Variants in PSME4 observed in about 807,000 individuals in gnomAD.
PSME4 encodes the protein proteasome activator complex subunit 4.
A neutral mutation model predicts 253.9 loss-of-function variants in PSME4; 89 were observed. The ratio of observed to expected loss-of-function variants is 0.35; its 90% CI spans 0.30 to 0.42. The LOEUF (loss-of-function observed/expected upper bound fraction) is 0.42, where lower values mean the gene tolerates loss of function less well. PSME4 is among the 10% of genes least tolerant of loss of function. The pLI is 1.00. For synonymous variants in PSME4, 851 were observed against 759.2 expected, an observed-to-expected ratio of 1.12 and a Z score of -1.99; for missense variants, 2,014 against 2,195.2, an observed-to-expected ratio of 0.92 and a Z score of 1.65.
chr2:53,865,575 T>G lies in PSME4; in HGVS notation c.*5-2A>C, dbSNP rs1211507622. 1 of 152,428 alleles carries G rather than the reference T, an allele frequency of 6.6e-6. No homozygotes were observed. Among genetic ancestry groups the G allele is most frequent in the African/African-American group, 2.4e-5 (1 of 41,456 alleles). The allele number at this position is 152,428 out of a possible 1,614,324, so 9.4% of individuals were successfully genotyped here. A position where few individuals can be genotyped will look rare whatever the true frequency, so the allele number is the denominator to read the frequency against. On this transcript the variant is annotated splice_acceptor_variant, in intron 46 of 46. Coordinates refer to ENST00000404125, the MANE Select transcript of PSME4 (RefSeq NM_014614.3). LOFTEE classifies it low-confidence loss of function (3UTR_SPLICE). ...GAGCCTGAAGTGAGGACTAGTCATCTGTATCAGGGAGGAAAAAATTTCAAT... is the reference window on the plus strand; with the variant it reads ...GAGCCTGAAGTGAGGACTAGTCATCGGTATCAGGGAGGAAAAAATTTCAAT...
At chr2:53,884,287 T>C (rs1679534328) in intron 41 of PSME4, among the ~76,000 whole-genome samples, 1 of 151,160 alleles carries the variant, frequency 6.6e-6, no homozygotes. Flanking sequence ...CTCAGCTCAC[T>C]ATAACCTCCA....
chr2:53,893,731 T>A lies in PSME4; in HGVS notation c.3981A>T (p.Ser1327=). The change falls in exon 35 of 47, where the codon TCA becomes TCT. Residue 1327 remains serine, a synonymous_variant. Transcript: ENST00000404125. ...KFVEQLITFL[S]LEDRKGKDKF... is the part of the protein sequence containing the mutation. ...TATCTTTTCCTTTTCTGTCTTCTAA[T>A]GATAGAAAAGTAATTAACTGCTCAA... The A allele has an allele frequency of 6.2e-7, 1 of 1,611,450 alleles. No homozygotes were observed. The highest frequency in any genetic ancestry group is 1.3e-5 in the African/African-American group (1 of 74,942).
At chr2:53,900,198 G>A (rs1680331476) in intron 28 of PSME4, among the ~76,000 whole-genome samples, 181 bp from the exon 29 acceptor site, 1 of 152,166 alleles carries the variant, frequency 6.6e-6, no homozygotes, top group African/African-American at 2.4e-5. Flanking sequence ...GTGGTTTCCA[G>A]GGGTTTGGGG....
At chr2:53,890,252 A>T in intron 36 of PSME4, 44 bp from the exon 37 acceptor site, 1 of 1,311,464 alleles carries the variant, frequency 7.6e-7, no homozygotes, top group South Asian at 1.2e-5. Context: ...TGACACTCAG[A>T]ACATTTTTCT....
chr2:53,935,420 T>C (rs1319567863), intron 7 of PSME4, among the ~76,000 whole-genome samples: 1 of 152,174 alleles, frequency 6.6e-6, no homozygotes, highest in Non-Finnish European at 1.5e-5. Flanking sequence ...AATGTAAGTG[T>C]GTGCATCAGA....
chr2:53,877,947 A>T (rs1679211290), intron 41 of PSME4, among the ~76,000 whole-genome samples: 1 of 152,234 alleles, frequency 6.6e-6, no homozygotes, highest in Admixed American at 6.5e-5. Context: ...ATACTGAGTT[A>T]TATGTTTCCA....
chr2:53,936,679 A>G (rs1052237325), intron 6 of PSME4, 85 bp downstream of exon 6: 10 of 959,464 alleles, frequency 1.0e-5, no homozygotes, highest in Non-Finnish European at 1.4e-5. Context: ...ATCTATTAAT[A>G]TTTATCTCCA....
At chr2:53,871,876 T>C (rs922448876) in intron 43 of PSME4, among the ~76,000 whole-genome samples, 1 of 151,836 alleles carries the variant, frequency 6.6e-6, no homozygotes, top group Non-Finnish European at 1.5e-5. Flanking sequence ...TAGCTGGGCA[T>C]GGTGGTAGGT....
chr2:53,881,587 C>T (rs558447244), intron 41 of PSME4: 1 of 151,980 alleles, frequency 6.6e-6, no homozygotes, highest in Admixed American at 6.6e-5. Context: ...AAAGAAAGCA[C>T]CTGTCACAGG....
chr2:53,905,941 C>G (rs542573161), intron 26 of PSME4, among the ~76,000 whole-genome samples: 15 of 152,308 alleles, frequency 9.8e-5, no homozygotes, highest in African/African-American at 3.6e-4. Flanking sequence ...ATCCAAAAAT[C>G]TGAAATCTGT....
chr2:53,965,877 T>C (rs970242496), intron 1 of PSME4, among the ~76,000 whole-genome samples: 1 of 151,832 alleles, frequency 6.6e-6, no homozygotes. Context: ...TTTCACCATG[T>C]TGGTGAGGCT....
intron 35 of PSME4, 50 bp downstream of exon 35, chr2:53,893,624 C>G: frequency 6.3e-7 from 1 of 1,589,230 alleles, no homozygotes; most frequent in Non-Finnish European, 8.6e-7. Context: ...AACCTACGAA[C>G]TGAATAGTTA....
At chr2:53,939,073 G>A (rs554416795) in intron 4 of PSME4, among the ~76,000 whole-genome samples, 7 of 152,266 alleles carry the variant, frequency 4.6e-5, no homozygotes, top group East Asian at 1.9e-4. Context: ...TAACTGCCTC[G>A]CATAAAATGA....
intron 10 of PSME4, among the ~76,000 whole-genome samples, chr2:53,928,520 T>TCC (rs10653488): frequency 1.3e-5 from 2 of 151,760 alleles, no homozygotes; most frequent in Non-Finnish European, 2.9e-5. Flanking sequence ...ACCAAATATT[T>TCC]GTGTCCTGAG....
chr2:53,933,375 C>CAAAAAAAAAAAAAAAAAAAAAAAAAA (rs571833072), intron 8 of PSME4, among the ~76,000 whole-genome samples: 2 of 60,618 alleles, frequency 3.3e-5, no homozygotes, highest in Admixed American at 4.4e-4. Context: ...GAGACCATCT[C>CAAAAAAAAAAAAAAAAAAAAAAAAAA]AAAAAAAAAA....
intron 1 of PSME4, among the ~76,000 whole-genome samples, chr2:53,963,131 G>C (rs1670563214): frequency 6.6e-6 from 1 of 152,038 alleles, no homozygotes; most frequent in Non-Finnish European, 1.5e-5. Flanking sequence ...TTCAAGGCCA[G>C]CCTGAGCAAC....
At chr2:53,955,782 C>T (rs925889327) in intron 1 of PSME4, among the ~76,000 whole-genome samples, 2 of 149,502 alleles carry the variant, frequency 1.3e-5, no homozygotes, top group African/African-American at 2.5e-5. Context: ...ATTAGCCGGG[C>T]GTGATAGCGC....
rs1169115244 is a variant in PSME4, at chr2:53,940,984, T to A, written c.501-984A>T. On this transcript the variant is annotated intron_variant, in intron 3 of 46. Transcript: ENST00000404125. The stretch of plus-strand genomic sequence containing the variant: ...ATATATATATATATATATATATATA[T>A]ATATATATATATATATGAAAGGAGT... Among the ~76,000 whole-genome samples the A allele has an allele frequency of 2.4e-3, 165 of 68,586 alleles. 10 individuals carry two copies. The highest frequency in any genetic ancestry group is 6.4e-3 in the African/African-American group (156 of 24,280). The allele number at this position is 68,586 out of a possible 152,430, so 45.0% of individuals were successfully genotyped here. A position where few individuals can be genotyped will look rare whatever the true frequency, so the allele number is the denominator to read the frequency against.
At chr2:53,957,478 C>T (rs1670288742) in intron 1 of PSME4, among the ~76,000 whole-genome samples, 2 of 152,158 alleles carry the variant, frequency 1.3e-5, no homozygotes, top group African/African-American at 4.8e-5. Flanking sequence ...CAACCTAGAT[C>T]CCTCTCATGT....
Sources: allele counts gnomAD v4.1 joint callset (sites outside exome capture counted in the v4.1 genomes callset), GRCh38; gene constraint gnomAD v4.1.1; transcripts MANE v1.5; gene names NCBI Gene and HGNC (gene_info 2026-07-23, HGNC 2026-07-21).